TTBK1: variants seen among roughly 807,000 people sequenced by gnomAD.
The protein encoded by TTBK1 is tau-tubulin kinase 1.
Under a neutral mutation model 108.5 loss-of-function variants are expected in TTBK1, and 34 were observed. The observed-to-expected ratio is 0.31, with a 90% confidence interval of 0.24 to 0.42. The LOEUF is 0.42. Among genes scored for constraint, TTBK1 ranks in the 10% least tolerant of loss-of-function variants. The pLI, the probability that TTBK1 is intolerant of heterozygous loss-of-function variation, is 1.00. For missense variants in TTBK1, 1,539 were observed against 1,826.0 expected, an observed-to-expected ratio of 0.84 and a Z score of 2.86; for synonymous variants, 809 against 795.1, an observed-to-expected ratio of 1.02 and a Z score of -0.29.
At position 43,259,455 on chromosome 6, in the gene TTBK1, C is replaced by T. The variant is rs1326860755; in HGVS notation, c.1249-76C>T. 6.9e-7 allele frequency: 1 copy of T among 1,450,880 alleles called. No individual in the cohort carries two copies. Among genetic ancestry groups the T allele is most frequent in the East Asian group, 2.3e-5 (1 of 42,616 alleles). The allele number at this position is 1,450,880 out of a possible 1,614,324, so 89.9% of individuals were successfully genotyped here. A position where few individuals can be genotyped will look rare whatever the true frequency, so the allele number is the denominator to read the frequency against. On this transcript the variant is annotated intron_variant, in intron 11 of 14. Coordinates refer to ENST00000259750, the MANE Select transcript of TTBK1 (RefSeq NM_032538.3). The surrounding 1 kb of genome is among the most constrained non-coding windows in gnomAD (Gnocchi z 6.7). ...GTCTTCCATCATCATCATCCTCTGT[C>T]TCCTTCACCCTGAGGAGACCATCCG...
Position 43,283,530 on chromosome 6 carries a change from T to C in TTBK1, c.2790T>C (p.Phe930=), listed in dbSNP as rs771448194. The C allele has an allele frequency of 3.1e-6, 5 of 1,613,984 alleles. No individual in the cohort carries two copies. Among genetic ancestry groups the C allele is most frequent in the Non-Finnish European group, 4.2e-6 (5 of 1,180,000 alleles). ...CCTTCACCAAAGTTGAGAGGACCTT[T>C]GTGCACATTGCGGAGAAAACCCACC... ...SSPFTKVERT[F]VHIAEKTHLN... Residue 930 remains phenylalanine (F), a synonymous_variant, in exon 14 of 15, where the codon TTT becomes TTC. Coordinates refer to ENST00000259750, the MANE Select transcript of TTBK1 (RefSeq NM_032538.3). This position sits in a 1 kb window ranked among gnomAD's most constrained non-coding sequence, Gnocchi z 8.1.
At position 43,285,137 on chromosome 6, in the gene TTBK1, C is replaced by T. The variant is rs1423724502; in HGVS notation, c.3727C>T (p.Arg1243Cys). The change falls in exon 15 of 15, where the codon CGC becomes TGC. Residue 1243 changes from arginine (R) to cysteine (C), a missense_variant. Transcript: ENST00000259750. The surrounding 1 kb of genome is among the most constrained non-coding windows in gnomAD (Gnocchi z 4.7). ...PRLPASTSAA[R>C]NASASPRSQS... Reference sequence around the variant, plus strand: ...CCTCCCCGCGTCCACATCCGCCGCGCGCAATGCCAGCGCGTCCCCCCGGAG... The same window carrying T: ...CCTCCCCGCGTCCACATCCGCCGCGTGCAATGCCAGCGCGTCCCCCCGGAG... 6 of 1,446,222 alleles carry T rather than the reference C, an allele frequency of 4.1e-6. 1 individual carries two copies. In the African/African-American group the frequency reaches 6.0e-5, roughly 14 times the overall value. 89.6% of individuals were successfully genotyped at this position (1,446,222 alleles called of 1,614,324 possible). A position where few individuals can be genotyped will look rare whatever the true frequency, so the allele number is the denominator to read the frequency against.
intron 13 of TTBK1, among the ~76,000 whole-genome samples, chr6:43,275,598 C>T (rs1777960224): frequency 6.6e-6 from 1 of 151,726 alleles, no homozygotes; most frequent in Non-Finnish European, 1.5e-5. Flanking sequence ...CTGCCCCCCA[C>T]CCCGCCCCAA....
rs1287385646 is a variant in TTBK1, at chr6:43,253,535, G to A, written c.331-33G>A. The A allele has an allele frequency of 1.3e-6, 2 of 1,590,444 alleles. No homozygotes were observed. The highest frequency in any genetic ancestry group is 1.7e-5 in the Admixed American group (1 of 58,470). On this transcript the variant is annotated intron_variant, in intron 4 of 14. Transcript: ENST00000259750. This position sits in a 1 kb window ranked among gnomAD's most constrained non-coding sequence, Gnocchi z 5.8. ...ATGGTGTCTGGGATGATGGCTGAGGGTGAGTCTACCCCCCACCTCCACCCC... is the reference window on the plus strand; with the variant it reads ...ATGGTGTCTGGGATGATGGCTGAGGATGAGTCTACCCCCCACCTCCACCCC...
At position 43,257,892 on chromosome 6, in the gene TTBK1, C is replaced by A. The variant is rs774345522; in HGVS notation, c.942C>A (p.Gly314=). ...AGGCCTTTGACTGGGAGAAGGCAGG[C>A]ACCGATGCCCTCCTGTCCACGAGCA... ...ENEAFDWEKA[G]TDALLSTSTS... is the part of the protein sequence containing the mutation. Residue 314 remains glycine, a synonymous_variant, in exon 10 of 15, where the codon GGC becomes GGA. Coordinates refer to ENST00000259750, the MANE Select transcript of TTBK1 (RefSeq NM_032538.3). The surrounding 1 kb of genome is among the most constrained non-coding windows in gnomAD (Gnocchi z 4.5). The A allele has an allele frequency of 1.2e-6, 2 of 1,614,024 alleles. No homozygotes were observed. The highest frequency in any genetic ancestry group is 1.7e-6 in the Non-Finnish European group (2 of 1,180,000).
intron 13 of TTBK1, among the ~76,000 whole-genome samples, chr6:43,274,527 G>A (rs1777913547): frequency 6.6e-6 from 1 of 152,190 alleles, no homozygotes; most frequent in Non-Finnish European, 1.5e-5. Flanking sequence ...GGGGATGGGG[G>A]CAACTCCAGC....
intron 10 of TTBK1, among the ~76,000 whole-genome samples, chr6:43,258,337 C>G (rs1455401399): frequency 6.6e-6 from 1 of 152,158 alleles, no homozygotes; most frequent in South Asian, 2.1e-4. Context: ...TCAGCTGAGT[C>G]TGGGATGTTT....
chr6:43,255,691 G>A, intron 8 of TTBK1, 40 bp from the exon 9 acceptor site: 2 of 1,614,102 alleles, frequency 1.2e-6, no homozygotes, highest in Non-Finnish European at 1.7e-6. Flanking sequence ...GAGTGTCAGG[G>A]CAGCTGGGAC....
intron 13 of TTBK1, among the ~76,000 whole-genome samples, chr6:43,266,867 C>T (rs1303045983): frequency 2.0e-5 from 3 of 152,130 alleles, no homozygotes; most frequent in Admixed American, 6.5e-5. Context: ...CTGCCTGCCT[C>T]GGCCTCCCAA....
chr6:43,253,937 C>T lies in TTBK1; in HGVS notation c.471+229C>T, dbSNP rs1488214361. Reference sequence around the variant, plus strand: ...CCCCTCGGCCATGGCCAGGCCTCTCCTCTGTTCTTCCCTTCTGTTCCTTAT... The same window carrying T: ...CCCCTCGGCCATGGCCAGGCCTCTCTTCTGTTCTTCCCTTCTGTTCCTTAT... On this transcript the variant is annotated intron_variant, in intron 5 of 14. Coordinates refer to ENST00000259750, the MANE Select transcript of TTBK1 (RefSeq NM_032538.3). The surrounding 1 kb of genome is among the most constrained non-coding windows in gnomAD (Gnocchi z 5.8). 6.6e-6 allele frequency among the ~76,000 whole-genome samples: 1 copy of T among 152,222 alleles called. No homozygotes were observed. Among genetic ancestry groups the T allele is most frequent in the Non-Finnish European group, 1.5e-5 (1 of 68,040 alleles).
At chr6:43,244,167 T>A (rs1378473236) in intron 1 of TTBK1, among the ~76,000 whole-genome samples, 6 of 152,028 alleles carry the variant, frequency 3.9e-5, no homozygotes, top group African/African-American at 1.5e-4. Context: ...CTCACGGGTC[T>A]CTATCCTACC....
Position 43,257,775 on chromosome 6 carries a change from C to A in TTBK1, c.862-37C>A. 1 of 1,587,344 alleles carries A rather than the reference C, an allele frequency of 6.3e-7. No individual in the cohort carries two copies. Among genetic ancestry groups the A allele is most frequent in the Admixed American group, 1.7e-5 (1 of 58,566 alleles). On this transcript the variant is annotated intron_variant, in intron 9 of 14. Transcript: ENST00000259750. The surrounding 1 kb of genome is among the most constrained non-coding windows in gnomAD (Gnocchi z 4.5). ...CCTTCCTCCTGGCTAGCCCCCGGATCACCTCTCTGTCCTCCCATCACCCTC... is the reference window on the plus strand; with the variant it reads ...CCTTCCTCCTGGCTAGCCCCCGGATAACCTCTCTGTCCTCCCATCACCCTC...
At position 43,283,998 on chromosome 6, in the gene TTBK1, G is replaced by A; in HGVS notation, c.3258G>A (p.Gln1086=). Residue 1086 remains glutamine (Q), a synonymous_variant, in exon 14 of 15, where the codon CAG becomes CAA. Transcript: ENST00000259750. The surrounding 1 kb of genome is among the most constrained non-coding windows in gnomAD (Gnocchi z 8.1). The part of the protein sequence containing the change: ...KERWSKRARP[Q]QDLARLVMEK... ...GGTGGAGCAAGCGGGCTCGGCCGCAGCAGGACCTGGCGCGGCTGGTGATGG... is the reference window on the plus strand; with the variant it reads ...GGTGGAGCAAGCGGGCTCGGCCGCAACAGGACCTGGCGCGGCTGGTGATGG... 6.3e-7 allele frequency: 1 copy of A among 1,598,380 alleles called. No homozygotes were observed. Among genetic ancestry groups the A allele is most frequent in the Non-Finnish European group, 8.5e-7 (1 of 1,172,358 alleles).
chr6:43,269,785 G>A lies in TTBK1; in HGVS notation c.1986+6435G>A. The A allele has an allele frequency of 1.3e-6, 2 of 1,575,880 alleles. No individual in the cohort carries two copies. The highest frequency in any genetic ancestry group is 1.7e-6 in the Non-Finnish European group (2 of 1,166,308). On this transcript the variant is annotated intron_variant, in intron 13 of 14. Transcript: ENST00000259750. The surrounding 1 kb of genome is among the most constrained non-coding windows in gnomAD (Gnocchi z 4.8). ...GGCGGCGGCTCCTCGGGCTCCTCCGGTTCCCTCATTCAGCGCAGCCGCTCG... is the reference window on the plus strand; with the variant it reads ...GGCGGCGGCTCCTCGGGCTCCTCCGATTCCCTCATTCAGCGCAGCCGCTCG...
chr6:43,286,492 A>AGGGC lies in TTBK1; in HGVS notation c.*1117_*1120dup, dbSNP rs1778386550. 6.6e-6 allele frequency: 1 copy of AGGGC among 152,404 alleles called. No individual in the cohort carries two copies. 9.4% of individuals were successfully genotyped at this position (152,404 alleles called of 1,614,324 possible). On this transcript the variant is annotated 3_prime_UTR_variant, in exon 15 of 15. Coordinates refer to ENST00000259750, the MANE Select transcript of TTBK1 (RefSeq NM_032538.3). This position sits in a 1 kb window ranked among gnomAD's most constrained non-coding sequence, Gnocchi z 4.6. Reference sequence around the variant, plus strand: ...GTCCTCCCGCCTGTGGGAGGGAGGGAGGGCTGGCTCAGGCATCGTCTCCCG... The same window carrying AGGGC: ...GTCCTCCCGCCTGTGGGAGGGAGGGAGGGCGGGCTGGCTCAGGCATCGTCTCCCG...
chr6:43,260,685 A>AT (rs1309638907), intron 12 of TTBK1, among the ~76,000 whole-genome samples: 2 of 152,186 alleles, frequency 1.3e-5, no homozygotes, highest in Non-Finnish European at 2.9e-5. Flanking sequence ...AATGCCTTGA[A>AT]TGAGACAGTC....
In TTBK1 at chr6:43,276,456, G is replaced by T. The variant is rs906965977; in HGVS notation, c.1987-6271G>T. ...CTGTACAAATCCAACACTTGAAACC[G>T]ACACGCACACGCGCGGCGCCGCCAC... On this transcript the variant is annotated intron_variant, in intron 13 of 14. Coordinates refer to ENST00000259750, the MANE Select transcript of TTBK1 (RefSeq NM_032538.3). This position sits in a 1 kb window ranked among gnomAD's most constrained non-coding sequence, Gnocchi z 5.4. 3.3e-5 allele frequency among the ~76,000 whole-genome samples: 5 copies of T among 152,030 alleles called. No individual in the cohort carries two copies. The highest frequency in any genetic ancestry group is 5.9e-5 in the Non-Finnish European group (4 of 67,994).
chr6:43,270,102 A>G, intron 13 of TTBK1: 2 of 1,397,244 alleles, frequency 1.4e-6, no homozygotes, highest in Non-Finnish European at 1.8e-6. Flanking sequence ...CGTTGGCCCA[A>G]GGTACTGTAA....
rs1371206697 is a variant in TTBK1 at position 43,253,197 on chromosome 6, G to C, written c.257-94G>C. The C allele has an allele frequency of 6.6e-6, 9 of 1,372,716 alleles. No individual in the cohort carries two copies. Among genetic ancestry groups the C allele is most frequent in the Non-Finnish European group, 9.4e-6 (9 of 962,484 alleles). 85.0% of individuals were successfully genotyped at this position (1,372,716 alleles called of 1,614,324 possible). A position where few individuals can be genotyped will look rare whatever the true frequency, so the allele number is the denominator to read the frequency against. ...GTGCTCACAGGGCCAGCACTGGAGG[G>C]ACCAGGAATCAAGAGTGCACTAGGA... On this transcript the variant is annotated intron_variant, in intron 3 of 14. Transcript: ENST00000259750. The surrounding 1 kb of genome is among the most constrained non-coding windows in gnomAD (Gnocchi z 5.8).
Sources: allele counts gnomAD v4.1 joint callset (sites outside exome capture counted in the v4.1 genomes callset), GRCh38; gene constraint gnomAD v4.1.1; non-coding constraint Gnocchi (gnomAD v3.1); transcripts MANE v1.5; gene names NCBI Gene and HGNC (gene_info 2026-07-23, HGNC 2026-07-21).